Variants in NCF2 observed in about 807,000 individuals in gnomAD.
NCF2 encodes neutrophil cytosol factor 2.
Under a neutral mutation model 70.9 loss-of-function variants are expected in NCF2, and 45 were observed. That is an observed-to-expected ratio of 0.63 (90% CI 0.50 to 0.81). NCF2 has a LOEUF of 0.81. Ranked by LOEUF, NCF2 falls within the 40% of genes least tolerant of loss-of-function variation. The pLI, the probability that NCF2 is intolerant of heterozygous loss-of-function variation, is 0.00. For synonymous variants in NCF2, 203 were observed against 233.6 expected (o/e 0.87, Z 1.19); for missense variants, 522 against 631.6 (o/e 0.83, Z 1.86).
At chr1:183,591,633 C>A (rs1369929830), upstream of NCF2, among the ~76,000 whole-genome samples, 1 of 152,074 alleles carries the variant, frequency 6.6e-6, no homozygotes, top group African/African-American at 2.4e-5. Context: ...CAGAAGCCTG[C>A]CACCACGCCC....
the NCF2 span, among the ~76,000 whole-genome samples, chr1:183,599,426 C>CTTTCTTTCTT: frequency 2.6e-5 from 2 of 75,482 alleles, no homozygotes; most frequent in Non-Finnish European, 5.8e-5. Context: ...TTCTTTCCTT[C>CTTTCTTTCTT]TTTCTTTCTT....
intron 2 of NCF2, among the ~76,000 whole-genome samples, chr1:183,580,756 C>T (rs1673021599): frequency 6.6e-6 from 1 of 152,152 alleles, no homozygotes; most frequent in Non-Finnish European, 1.5e-5. Flanking sequence ...GCAGGCGGAT[C>T]ACTTGAGGTC....
chr1:183,590,455 A>G lies in NCF2; in HGVS notation c.-126T>C. On this transcript the variant is annotated 5_prime_UTR_variant, in exon 1 of 15. Coordinates refer to ENST00000367535, the MANE Select transcript of NCF2 (RefSeq NM_000433.4). ...TGTTCACTTTCTGGGCCAGATGAGTAGAATGGGGCCCAGCCTCCCTTAAGA... is the reference window on the plus strand; with the variant it reads ...TGTTCACTTTCTGGGCCAGATGAGTGGAATGGGGCCCAGCCTCCCTTAAGA... 1.0e-6 allele frequency: 1 copy of G among 991,972 alleles called. No individual in the cohort carries two copies. The highest frequency in any genetic ancestry group is 1.6e-6 in the Non-Finnish European group (1 of 635,642). 61.4% of individuals were successfully genotyped at this position (991,972 alleles called of 1,614,324 possible).
At chr1:183,566,870 A>G in intron 9 of NCF2, 50 bp downstream of exon 9, 6 of 1,600,216 alleles carry the variant, frequency 3.7e-6, no homozygotes, top group Non-Finnish European at 5.1e-6. Flanking sequence ...CTCCAGGGAG[A>G]GATCCCTAAA....
At chr1:183,567,472 C>T (rs758654941) in intron 7 of NCF2, 127 bp from the exon 8 acceptor site, 11 of 1,313,774 alleles carry the variant, frequency 8.4e-6, no homozygotes, top group Non-Finnish European at 9.8e-6. Context: ...CTGCAACTGC[C>T]GAGATGACAC....
At chr1:183,599,527 C>T in the NCF2 span, among the ~76,000 whole-genome samples, 8 of 136,028 alleles carry the variant, frequency 5.9e-5, no homozygotes, top group East Asian at 8.5e-4. Context: ...TTCTTTCTCT[C>T]TCTTTCTTTC....
At chr1:183,595,032 T>C (rs1463439688), upstream of NCF2, among the ~76,000 whole-genome samples, 1 of 152,218 alleles carries the variant, frequency 6.6e-6, no homozygotes, top group Non-Finnish European at 1.5e-5. Flanking sequence ...GGCTAATTAA[T>C]TAAATGAACT....
At chr1:183,558,313 G>C (rs915813827) in intron 14 of NCF2, among the ~76,000 whole-genome samples, 11 of 151,194 alleles carry the variant, frequency 7.3e-5, no homozygotes. Context: ...TGTAACCCAG[G>C]CTGGAGTGCA....
At chr1:183,590,109 A>G (rs1298617335) in intron 1 of NCF2, 47 bp downstream of exon 1, 2 of 1,612,568 alleles carry the variant, frequency 1.2e-6, no homozygotes, top group Non-Finnish European at 1.7e-6. Context: ...TGAGAATCAT[A>G]ATAACAAATG....
chr1:183,593,464 G>C (rs1464976896), upstream of NCF2, among the ~76,000 whole-genome samples: 1 of 151,988 alleles, frequency 6.6e-6, no homozygotes, highest in Non-Finnish European at 1.5e-5. Context: ...CTGCTGCCCT[G>C]TGCTCATTCC....
chr1:183,563,024 C>T (rs1041721681), intron 13 of NCF2, among the ~76,000 whole-genome samples, 171 bp downstream of exon 13: 1 of 152,126 alleles, frequency 6.6e-6, no homozygotes, highest in Non-Finnish European at 1.5e-5. Flanking sequence ...CTCCCTGCTG[C>T]AAATGGGGTG....
chr1:183,558,999 T>C (rs1671917723), intron 14 of NCF2, among the ~76,000 whole-genome samples: 1 of 152,218 alleles, frequency 6.6e-6, no homozygotes, highest in Non-Finnish European at 1.5e-5. Context: ...GATGGGACTT[T>C]TTTGTGTCGA....
chr1:183,557,650 A>G (rs142167522), intron 14 of NCF2, among the ~76,000 whole-genome samples: 4 of 152,334 alleles, frequency 2.6e-5, no homozygotes, highest in African/African-American at 9.6e-5. Context: ...ACTTGTACAG[A>G]TAGGTCATAG....
At chr1:183,590,030 G>A (rs1445087511) in intron 1 of NCF2, 126 bp downstream of exon 1, 2 of 1,405,628 alleles carry the variant, frequency 1.4e-6, no homozygotes, top group African/African-American at 1.4e-5. Context: ...GCTGTCTAGG[G>A]GTGGAGCTTG....
Position 183,583,520 on chromosome 1 carries a change from A to G in NCF2, c.257+3375T>C, listed in dbSNP as rs115714889. Among the ~76,000 whole-genome samples, 502 of 152,364 alleles carry G rather than the reference A, an allele frequency of 3.3e-3. 1 individual carries two copies. Among genetic ancestry groups the G allele is most frequent in the Middle Eastern group, 0.014 (4 of 294 alleles). ...TTAATTTATAAGTTCCTTGAAACGG[A>G]GACTATATTTTGCTCACTTTTATTT... is the stretch of plus-strand genomic sequence containing the variant. On this transcript the variant is annotated intron_variant, in intron 2 of 14. Coordinates refer to ENST00000367535, the MANE Select transcript of NCF2 (RefSeq NM_000433.4).
chr1:183,589,748 CATGAAAGTCTTGGAAAGCCA>C (rs35648088), intron 1 of NCF2, among the ~76,000 whole-genome samples: 8,605 of 152,240 alleles, frequency 0.057, 756 homozygotes, highest in African/African-American at 0.19. Context: ...AGTCGACACA[CATGAAAGTCTTGGAAAGCCA>C]AAAGAGGTGC....
At chr1:183,582,761 T>G (rs1227811084) in intron 2 of NCF2, among the ~76,000 whole-genome samples, 1 of 152,212 alleles carries the variant, frequency 6.6e-6, no homozygotes, top group Non-Finnish European at 1.5e-5. Context: ...TCACCCTTAT[T>G]GTCATGCCCT....
chr1:183,562,317 AG>A (rs958158808), intron 13 of NCF2, among the ~76,000 whole-genome samples: 2 of 152,144 alleles, frequency 1.3e-5, no homozygotes, highest in Non-Finnish European at 2.9e-5. Context: ...AAGATGCTGA[AG>A]GGGTTAGTCC....
chr1:183,601,723 C>A, the NCF2 span, among the ~76,000 whole-genome samples: 4 of 151,822 alleles, frequency 2.6e-5, no homozygotes, highest in Non-Finnish European at 5.9e-5. Context: ...CTGGGCATGG[C>A]GGCGGGCACC....
Sources: allele counts gnomAD v4.1 joint callset (sites outside exome capture counted in the v4.1 genomes callset), GRCh38; gene constraint gnomAD v4.1.1; transcripts MANE v1.5; gene names NCBI Gene and HGNC (gene_info 2026-07-23, HGNC 2026-07-21).